Variants in ATF7IP2 observed in about 807,000 individuals in gnomAD.
The protein encoded by ATF7IP2 is activating transcription factor 7-interacting protein 2.
A neutral mutation model predicts 64.2 loss-of-function variants in ATF7IP2; 42 were observed. The observed-to-expected ratio is 0.65, with a 90% CI of 0.51 to 0.85. The LOEUF (loss-of-function observed/expected upper bound fraction) is 0.85, where lower values mean the gene tolerates loss of function less well. ATF7IP2 is among the 40% of genes least tolerant of loss of function. The pLI, the probability that ATF7IP2 is intolerant of heterozygous loss-of-function variation, is 0.00. For missense variants in ATF7IP2, 933 were observed against 784.2 expected, an observed-to-expected ratio of 1.19 and a Z score of -2.27; for synonymous variants, 308 against 272.8, an observed-to-expected ratio of 1.13 and a Z score of -1.27.
chr16:10,474,062 C>G, intron 12 of ATF7IP2, 73 bp downstream of exon 12: 1 of 1,007,040 alleles, frequency 9.9e-7, no homozygotes, highest in Non-Finnish European at 1.5e-6. Flanking sequence ...ACTGGGTCTA[C>G]TTATGAAGTT....
chr16:10,427,787 A>T (rs1388416976), intron 3 of ATF7IP2, among the ~76,000 whole-genome samples: 1 of 151,024 alleles, frequency 6.6e-6, no homozygotes, highest in Non-Finnish European at 1.5e-5. Flanking sequence ...TGAGCCTGGG[A>T]GGCTGAAGCT....
At chr16:10,394,123 C>T (rs923621318) in intron 1 of ATF7IP2, among the ~76,000 whole-genome samples, 2 of 152,154 alleles carry the variant, frequency 1.3e-5, no homozygotes, top group Non-Finnish European at 2.9e-5. Flanking sequence ...GAAAAACAGC[C>T]TTGGCCTATA....
rs146872286 is a variant in ATF7IP2 at position 10,458,806 on chromosome 16, G to A, written c.1352+1277G>A. The stretch of plus-strand genomic sequence containing the variant: ...TTTAAACCACAAAATAGATGCAGCC[G>A]TCCTAAACAAGATAACTAGTAAACC... On this transcript the variant is annotated intron_variant, in intron 9 of 13. Transcript: ENST00000562102. Among the ~76,000 whole-genome samples, 688 of 152,272 alleles carry A rather than the reference G, an allele frequency of 4.5e-3. 7 individuals carry two copies. Among genetic ancestry groups the A allele is most frequent in the Admixed American group, 6.3e-3 (97 of 15,292 alleles).
rs1427489381 is a variant in ATF7IP2 at position 10,431,350 on chromosome 16, T to G, written c.730T>G (p.Cys244Gly). The change falls in exon 5 of 14, where the codon TGT becomes GGT. Residue 244 changes from cysteine to glycine, a missense_variant. Physicochemically the swap from Cys to Gly is radical, Grantham distance 159 (BLOSUM62 -3). Transcript: ENST00000562102. ...GGTGAATTCAGTCACTTCTAACAAC[T>G]GTGCTGATGACATTTTGAAAACTGA... Reference protein sequence around the residue: ...NLVNSVTSNNCADDILKTDEC... With the variant: ...NLVNSVTSNNGADDILKTDEC... 1.9e-6 allele frequency: 3 copies of G among 1,614,104 alleles called. No individual in the cohort carries two copies. The highest frequency in any genetic ancestry group is 1.7e-6 in the Non-Finnish European group (2 of 1,180,028).
At chr16:10,453,247 G>A (rs2049047824) in intron 8 of ATF7IP2, among the ~76,000 whole-genome samples, 1 of 152,216 alleles carries the variant, frequency 6.6e-6, no homozygotes, top group African/African-American at 2.4e-5. Context: ...CCTGGTCTGT[G>A]GGTTGTGAAG....
chr16:10,466,573 A>G (rs1309217899), intron 9 of ATF7IP2, among the ~76,000 whole-genome samples: 2 of 152,212 alleles, frequency 1.3e-5, no homozygotes, highest in Non-Finnish European at 2.9e-5. Context: ...GGTGTATAGC[A>G]TCACATTGTG....
chr16:10,387,799 C>G (rs1175687336), intron 1 of ATF7IP2: 1 of 151,324 alleles, frequency 6.6e-6, no homozygotes, highest in South Asian at 2.1e-4. Context: ...ATCTTATTCT[C>G]TCATTCTATG....
At chr16:10,386,863 T>TG (rs397754222) in intron 1 of ATF7IP2, 1 of 152,028 alleles carries the variant, frequency 6.6e-6, no homozygotes, top group Non-Finnish European at 1.5e-5. Context: ...TAATTTTTTT[T>TG]GCCTTATTTT....
chr16:10,470,171 C>A (rs1022769788), intron 9 of ATF7IP2, among the ~76,000 whole-genome samples: 1 of 152,000 alleles, frequency 6.6e-6, no homozygotes, highest in Non-Finnish European at 1.5e-5. Flanking sequence ...ACAACACACT[C>A]TATATAGAAA....
At chr16:10,398,957 T>G (rs546368647) in intron 1 of ATF7IP2, among the ~76,000 whole-genome samples, 1 of 152,206 alleles carries the variant, frequency 6.6e-6, no homozygotes, top group African/African-American at 2.4e-5. Flanking sequence ...CTACTAAAAA[T>G]GCAAAATTAG....
At chr16:10,393,239 G>A (rs1035619277) in intron 1 of ATF7IP2, among the ~76,000 whole-genome samples, 9 of 148,956 alleles carry the variant, frequency 6.0e-5, no homozygotes, top group South Asian at 4.3e-4. Flanking sequence ...GAACCTGGGA[G>A]GCGGAGGTTG....
intron 8 of ATF7IP2, chr16:10,449,280 G>T (rs1196604500): frequency 2.0e-5 from 3 of 152,088 alleles, no homozygotes; most frequent in Admixed American, 6.6e-5. Flanking sequence ...TTCTTTTGTT[G>T]TGTCTCTGTG....
chr16:10,435,564 T>G (rs1210663100), intron 6 of ATF7IP2, among the ~76,000 whole-genome samples: 5 of 152,222 alleles, frequency 3.3e-5, no homozygotes, highest in Non-Finnish European at 7.3e-5. Context: ...ACATTACCAT[T>G]AAATTAGAAC....
intron 12 of ATF7IP2, among the ~76,000 whole-genome samples, chr16:10,478,802 T>A (rs1352204225): frequency 6.6e-6 from 1 of 151,406 alleles, no homozygotes; most frequent in Non-Finnish European, 1.5e-5. Context: ...TCAAACAAAT[T>A]CACAAGAAAA....
chr16:10,412,010 G>GTTTTT (rs71133351), intron 1 of ATF7IP2, among the ~76,000 whole-genome samples: 3 of 58,398 alleles, frequency 5.1e-5, no homozygotes, highest in Non-Finnish European at 6.6e-5. Flanking sequence ...ATCTTTTTTT[G>GTTTTT]TTTTTTTTTT....
chr16:10,396,894 T>C (rs1335833738), intron 1 of ATF7IP2, among the ~76,000 whole-genome samples: 1 of 152,172 alleles, frequency 6.6e-6, no homozygotes, highest in Non-Finnish European at 1.5e-5. Context: ...CTCAAACTCC[T>C]GGGCTCAAGC....
At position 10,425,825 on chromosome 16, in the gene ATF7IP2, A is replaced by G. The variant is rs2048074355; in HGVS notation, c.-159-3043A>G. Among the ~76,000 whole-genome samples, 3 of 152,010 alleles carry G rather than the reference A, an allele frequency of 2.0e-5. No homozygotes were observed. In the South Asian group the frequency reaches 6.2e-4, roughly 32 times the overall value. On this transcript the variant is annotated intron_variant, in intron 3 of 13. Transcript: ENST00000562102. ...GGAGAATCACTTGAACCTGGGAGGC[A>G]GAGGTTGCGATGAGCTGAGATCATG...
intron 13 of ATF7IP2, 30 bp downstream of exon 13, chr16:10,480,994 A>T: frequency 6.7e-7 from 1 of 1,488,584 alleles, no homozygotes. Flanking sequence ...TGTAAGGGAT[A>T]TTTATTCCAA....
chr16:10,401,151 A>C (rs1404425202), intron 1 of ATF7IP2, among the ~76,000 whole-genome samples: 1 of 151,986 alleles, frequency 6.6e-6, no homozygotes, highest in African/African-American at 2.4e-5. Flanking sequence ...AACCCGCTTG[A>C]TTATGGTTTA....
Sources: gnomAD v4.1 joint callset for allele counts (sites outside exome capture counted in the v4.1 genomes callset) on GRCh38, gnomAD v4.1.1 for gene constraint, MANE v1.5 for transcripts, NCBI Gene and HGNC (gene_info 2026-07-23, HGNC 2026-07-21) for gene names.